Variants in DSCAML1 observed in about 807,000 individuals in gnomAD.
DSCAML1 encodes the protein cell adhesion molecule DSCAML1.
A neutral mutation model predicts 200.5 loss-of-function variants in DSCAML1; 38 were observed. The observed-to-expected ratio is 0.19, with a 90% CI of 0.15 to 0.25. DSCAML1 has a LOEUF of 0.25. Among genes scored for constraint, DSCAML1 ranks in the 10% least tolerant of loss-of-function variants. The probability of loss-of-function intolerance (pLI) is 1.00; values close to 1 mark genes in which losing one functional copy is unlikely to be tolerated. For missense variants in DSCAML1, 2,223 were observed against 2,858.8 expected, an observed-to-expected ratio of 0.78 and a Z score of 5.07; for synonymous variants, 1,215 against 1,165.0, an observed-to-expected ratio of 1.04 and a Z score of -0.87.
At chr11:117,809,889 A>C (rs578141911) in intron 1 of DSCAML1, among the ~76,000 whole-genome samples, 59 of 150,770 alleles carry the variant, frequency 3.9e-4, no homozygotes, top group Middle Eastern at 3.4e-3. Context: ...TCTTACACAC[A>C]CACACCCACA....
At chr11:117,736,543 G>A (rs2054319234) in intron 3 of DSCAML1, among the ~76,000 whole-genome samples, 1 of 152,196 alleles carries the variant, frequency 6.6e-6, no homozygotes, top group South Asian at 2.1e-4. Flanking sequence ...AGGATGGTTA[G>A]GGTCATGCTG....
chr11:117,452,217 C>T (rs2048297127), intron 19 of DSCAML1, among the ~76,000 whole-genome samples: 1 of 152,188 alleles, frequency 6.6e-6, no homozygotes, highest in African/African-American at 2.4e-5. Flanking sequence ...GTGTCAAAGT[C>T]TTCCACTGTG....
At chr11:117,445,855 G>A (rs1020595729) in intron 20 of DSCAML1, among the ~76,000 whole-genome samples, 41 of 152,152 alleles carry the variant, frequency 2.7e-4, no homozygotes, top group African/African-American at 9.7e-4. Context: ...TGGACACCCC[G>A]TGAGTCTCCT....
At chr11:117,612,906 C>A (rs1262376994) in intron 3 of DSCAML1, among the ~76,000 whole-genome samples, 1 of 152,128 alleles carries the variant, frequency 6.6e-6, no homozygotes, top group Non-Finnish European at 1.5e-5. Flanking sequence ...GGTTTGAGTT[C>A]CAGTCCTGCC....
intron 21 of DSCAML1, 32 bp from the exon 22 acceptor site, chr11:117,439,968 C>T: frequency 3.2e-6 from 5 of 1,568,788 alleles, no homozygotes; most frequent in South Asian, 1.1e-5. Context: ...GGCCACTCCA[C>T]TTCTACCCCT....
At chr11:117,746,818 G>C (rs1231547944) in intron 3 of DSCAML1, among the ~76,000 whole-genome samples, 1 of 152,174 alleles carries the variant, frequency 6.6e-6, no homozygotes, top group Non-Finnish European at 1.5e-5. Flanking sequence ...CTTCGCCTGA[G>C]AAACTCCTGC....
chr11:117,524,946 G>C lies in DSCAML1; in HGVS notation c.796C>G (p.Leu266Val), dbSNP rs753395121. 9 of 1,613,574 alleles carry C rather than the reference G, an allele frequency of 5.6e-6. No individual in the cohort carries two copies. Among genetic ancestry groups the C allele is most frequent in the Admixed American group, 1.7e-5 (1 of 59,968 alleles). The change falls in exon 5 of 33, where the codon CTC becomes GTC. Residue 266 changes from leucine (L) to valine (V), a missense_variant. By Grantham distance (32) the Leu-to-Val change is conservative. Around this residue, in one of 7 missense-constraint regions of DSCAML1, gnomAD observed 579 missense variants for 721.5 expected, o/e 0.80. Coordinates refer to ENST00000651296, the MANE Select transcript of DSCAML1 (RefSeq NM_020693.4). Reference sequence around the variant, plus strand: ...TTGGTCCAGCGGCTGTCAGCCGGGAGGGGCCGGCCATCCTTGAGCCAGCGG... The same window carrying C: ...TTGGTCCAGCGGCTGTCAGCCGGGACGGGCCGGCCATCCTTGAGCCAGCGG... ...AIRWLKDGRP[L>V]PADSRWTKRI...
rs547168130 is a variant in DSCAML1, at chr11:117,488,557, C to A, written c.2360-6395G>T. Reference sequence around the variant, plus strand: ...CAGACACAGACACACACACACACACCACACACAGAGGGGCAGTGTCAGAAA... The same window carrying A: ...CAGACACAGACACACACACACACACAACACACAGAGGGGCAGTGTCAGAAA... On this transcript the variant is annotated intron_variant, in intron 11 of 32. Transcript: ENST00000651296. Among the ~76,000 whole-genome samples the A allele has an allele frequency of 2.2e-3, 315 of 146,402 alleles. 2 individuals are homozygous for A. Among genetic ancestry groups the A allele is most frequent in the Non-Finnish European group, 2.6e-3 (171 of 66,606 alleles).
intron 24 of DSCAML1, 109 bp downstream of exon 24, chr11:117,438,776 A>G (rs1038883502): frequency 1.2e-5 from 12 of 1,030,220 alleles, no homozygotes; most frequent in Non-Finnish European, 1.5e-5. Flanking sequence ...TGGCCCCCAG[A>G]TCGTTTCTGT....
intron 20 of DSCAML1, among the ~76,000 whole-genome samples, chr11:117,448,198 G>C (rs1026949958): frequency 6.6e-6 from 1 of 152,214 alleles, no homozygotes; most frequent in African/African-American, 2.4e-5. Context: ...GTGGCTCCCG[G>C]ACACCAACCT....
At chr11:117,617,680 G>GCGCACACA (rs1395796967) in intron 3 of DSCAML1, among the ~76,000 whole-genome samples, 16 of 143,012 alleles carry the variant, frequency 1.1e-4, no homozygotes, top group Middle Eastern at 3.5e-3. Context: ...ACAGGTACAC[G>GCGCACACA]CACACACACA....
intron 1 of DSCAML1, among the ~76,000 whole-genome samples, chr11:117,782,097 C>G (rs1481185569): frequency 2.0e-5 from 3 of 152,226 alleles, no homozygotes; most frequent in South Asian, 2.1e-4. Flanking sequence ...ACAAACCACT[C>G]TGCTGCTTGT....
At chr11:117,733,620 GA>G (rs2054263858) in intron 3 of DSCAML1, among the ~76,000 whole-genome samples, 1 of 152,250 alleles carries the variant, frequency 6.6e-6, no homozygotes, top group Non-Finnish European at 1.5e-5. Context: ...TTGGGGTGGG[GA>G]AATATTTGAG....
intron 3 of DSCAML1, among the ~76,000 whole-genome samples, chr11:117,679,407 CT>C (rs969796617): frequency 3.9e-5 from 6 of 152,200 alleles, no homozygotes; most frequent in Non-Finnish European, 7.3e-5. Context: ...GCCTGACAGA[CT>C]GGGTTGCATT....
intron 3 of DSCAML1, among the ~76,000 whole-genome samples, chr11:117,692,537 G>A (rs1371212798): frequency 6.6e-6 from 1 of 152,142 alleles, no homozygotes; most frequent in Non-Finnish European, 1.5e-5. Flanking sequence ...TGAATCATGG[G>A]CTGAGAAAGG....
At chr11:117,656,575 T>C (rs906727392) in intron 3 of DSCAML1, among the ~76,000 whole-genome samples, 1 of 151,982 alleles carries the variant, frequency 6.6e-6, no homozygotes, top group African/African-American at 2.4e-5. Flanking sequence ...AAATTTAGTA[T>C]TCTCAACTGC....
chr11:117,562,544 G>A (rs2050682835), intron 3 of DSCAML1, among the ~76,000 whole-genome samples: 1 of 152,214 alleles, frequency 6.6e-6, no homozygotes, highest in Non-Finnish European at 1.5e-5. Flanking sequence ...TGGCTGCAGG[G>A]CAAGTTTTCT....
chr11:117,441,886 T>G (rs3863313), intron 21 of DSCAML1, among the ~76,000 whole-genome samples: 82,190 of 151,668 alleles, frequency 0.54, 24,297 homozygotes, highest in East Asian at 0.86. Flanking sequence ...GCTTTGTGGG[T>G]GTTCTCAGAG....
intron 27 of DSCAML1, 60 bp downstream of exon 27, chr11:117,435,584 G>C: frequency 1.3e-6 from 2 of 1,528,792 alleles, no homozygotes; most frequent in Non-Finnish European, 1.8e-6. Flanking sequence ...GGGAAGGGGG[G>C]GGACAATGTG....
Sources: allele counts gnomAD v4.1 joint callset (sites outside exome capture counted in the v4.1 genomes callset), GRCh38; gene constraint gnomAD v4.1.1; regional missense constraint gnomAD v4.1.1; transcripts MANE v1.5; gene names NCBI Gene and HGNC (gene_info 2026-07-23, HGNC 2026-07-21).